Variants in RBFOX1 observed in about 807,000 individuals in gnomAD.
The protein encoded by RBFOX1 is RNA binding fox-1 homolog 1.
In RBFOX1, 8 loss-of-function variants were observed where a neutral mutation model predicts 57.7. The ratio of observed to expected loss-of-function variants is 0.14; its 90% CI spans 0.08 to 0.25. RBFOX1 has a LOEUF of 0.25. Ranked by LOEUF, RBFOX1 falls within the 10% of genes least tolerant of loss-of-function variation. The pLI, the probability that RBFOX1 is intolerant of heterozygous loss-of-function variation, is 1.00. For missense variants in RBFOX1, 611 were observed against 548.5 expected (o/e 1.11, Z -1.14); for synonymous variants, 326 against 222.4 (o/e 1.47, Z -4.15).
chr16:6,225,897 T>C (rs934272759), intron 1 of RBFOX1, among the ~76,000 whole-genome samples: 4 of 152,202 alleles, frequency 2.6e-5, no homozygotes, highest in Admixed American at 6.5e-5. Context: ...ACAGAAACAC[T>C]GAAGCCGTGC....
intron 3 of RBFOX1, among the ~76,000 whole-genome samples, chr16:7,001,273 G>T (rs748541519): frequency 3.3e-5 from 5 of 152,094 alleles, no homozygotes; most frequent in Admixed American, 3.3e-4. Flanking sequence ...GATGGATGGA[G>T]AGATTCCTTG....
rs35991387 is a variant in RBFOX1, at chr16:6,925,455, CATTT to C, written c.-15-126578_-15-126575del. 7.4e-3 allele frequency among the ~76,000 whole-genome samples: 1,088 copies of C among 147,464 alleles called. 34 individuals are homozygous for C. In the East Asian group the frequency reaches 0.087, roughly 12 times the overall value. On this transcript the variant is annotated intron_variant, in intron 3 of 15. Coordinates refer to ENST00000550418, the MANE Select transcript of RBFOX1 (RefSeq NM_018723.4). ...TTTTTAATGCGACTAATGGACTCCA[CATTT>C]ATTTATTTATTTATTTATTTATTGT...
chr16:6,019,471 A>C lies in RBFOX1; in HGVS notation c.-648A>C. ...GGGAAACCCGAACTCGCGGAGGGGA[A>C]TCCCTCCCCCTCCGCCCCAGCCCCC... On this transcript the variant is annotated 5_prime_UTR_variant, in exon 1 of 16. Transcript: ENST00000550418. The surrounding 1 kb of genome is among the most constrained non-coding windows in gnomAD (Gnocchi z 4.2). The C allele has an allele frequency of 2.0e-6, 2 of 996,644 alleles. No individual in the cohort carries two copies. Among genetic ancestry groups the C allele is most frequent in the Non-Finnish European group, 2.4e-6 (2 of 837,844 alleles). The allele number at this position is 996,644 out of a possible 1,614,324, so 61.7% of individuals were successfully genotyped here.
intron 4 of RBFOX1, among the ~76,000 whole-genome samples, chr16:7,308,185 G>A (rs1229169952): frequency 6.6e-6 from 1 of 152,038 alleles, no homozygotes; most frequent in South Asian, 2.1e-4. Flanking sequence ...AAGTAATAGA[G>A]GGCAAACCTT....
intron 3 of RBFOX1, among the ~76,000 whole-genome samples, chr16:6,689,220 C>T (rs1254282543): frequency 6.6e-6 from 1 of 152,036 alleles, no homozygotes; most frequent in African/African-American, 2.4e-5. Flanking sequence ...CTGATTATGT[C>T]TGGAGTTTTT....
chr16:5,429,275 A>C (rs898341417), intron 1 of RBFOX1, among the ~76,000 whole-genome samples: 7 of 152,076 alleles, frequency 4.6e-5, no homozygotes, highest in African/African-American at 1.7e-4. Context: ...GCTCTCTGGG[A>C]CTGCTGGCCC....
chr16:5,958,859 G>C (rs778214106), intron 4 of RBFOX1, among the ~76,000 whole-genome samples: 11 of 152,060 alleles, frequency 7.2e-5, no homozygotes, highest in Non-Finnish European at 1.6e-4. Context: ...GGTTCTCCTG[G>C]CTACCTCCTC....
chr16:5,960,506 C>A (rs532409073), intron 4 of RBFOX1, among the ~76,000 whole-genome samples: 1 of 152,238 alleles, frequency 6.6e-6, no homozygotes, highest in East Asian at 1.9e-4. Context: ...AACACATTCC[C>A]CAGATGTAGC....
At chr16:7,073,001 G>C (rs893517937) in intron 4 of RBFOX1, among the ~76,000 whole-genome samples, 2 of 152,192 alleles carry the variant, frequency 1.3e-5, no homozygotes, top group Admixed American at 6.5e-5. Context: ...TATGTGCAGG[G>C]TCAGGCTTTG....
intron 1 of RBFOX1, among the ~76,000 whole-genome samples, chr16:5,244,935 G>A (rs567386700): frequency 1.3e-5 from 2 of 152,204 alleles, no homozygotes; most frequent in African/African-American, 4.8e-5. Context: ...GTTGCCCTGG[G>A]CTTTAATTCT....
intron 4 of RBFOX1, among the ~76,000 whole-genome samples, chr16:7,217,572 G>A (rs1249189541): frequency 6.6e-6 from 1 of 151,996 alleles, no homozygotes; most frequent in Non-Finnish European, 1.5e-5. Context: ...CCTCAAAAAA[G>A]GCATGACAAA....
chr16:7,226,087 C>T (rs1033741738), intron 4 of RBFOX1, among the ~76,000 whole-genome samples: 6 of 151,812 alleles, frequency 4.0e-5, no homozygotes, highest in African/African-American at 1.5e-4. Context: ...AGATGCTCAC[C>T]CTCAACTCAG....
chr16:6,077,994 C>T lies in RBFOX1; in HGVS notation c.-127+58002C>T, dbSNP rs79577228. 6.2e-4 allele frequency among the ~76,000 whole-genome samples: 94 copies of T among 152,136 alleles called. 1 individual carries two copies. In the East Asian group the frequency reaches 0.016, roughly 26 times the overall value. On this transcript the variant is annotated intron_variant, in intron 1 of 15. Transcript: ENST00000550418. The stretch of plus-strand genomic sequence containing the variant: ...GTAAAATGGAGAGAACTTTAATTCC[C>T]GGGTAGATGTATCTGAATCTGAGAC...
intron 3 of RBFOX1, among the ~76,000 whole-genome samples, chr16:7,001,617 C>T (rs866022933): frequency 8.6e-5 from 13 of 151,960 alleles, no homozygotes; most frequent in African/African-American, 2.9e-4. Context: ...CCATCACACC[C>T]TGCTAATTTT....
chr16:6,413,103 T>C (rs2093514581), intron 2 of RBFOX1, among the ~76,000 whole-genome samples: 1 of 152,170 alleles, frequency 6.6e-6, no homozygotes, highest in African/African-American at 2.4e-5. Flanking sequence ...GTGGATCACC[T>C]GAGGTCGGGA....
At chr16:7,664,401 A>G (rs2068631637) in intron 12 of RBFOX1, among the ~76,000 whole-genome samples, 1 of 152,234 alleles carries the variant, frequency 6.6e-6, no homozygotes, top group Admixed American at 6.5e-5. Context: ...ACAATGTGAA[A>G]GAATATAGAA....
chr16:5,508,480 A>C (rs924522969), intron 2 of RBFOX1, among the ~76,000 whole-genome samples: 1 of 152,220 alleles, frequency 6.6e-6, no homozygotes, highest in Non-Finnish European at 1.5e-5. Context: ...TGTTCTATTC[A>C]TTAAAAACAA....
intron 3 of RBFOX1, among the ~76,000 whole-genome samples, chr16:6,656,935 CTCCTCCCCTT>C (rs1568078210): frequency 2.4e-3 from 301 of 123,104 alleles, no homozygotes; most frequent in Middle Eastern, 4.6e-3. Flanking sequence ...CTCCTCCCCT[CTCCTCCCCTT>C]TCCTCTCCTC....
At chr16:7,685,696 A>C (rs2075921979) in intron 14 of RBFOX1, among the ~76,000 whole-genome samples, 1 of 152,130 alleles carries the variant, frequency 6.6e-6, no homozygotes, top group African/African-American at 2.4e-5. Flanking sequence ...CAAGTACATT[A>C]AATTAAATGC....
Sources: gnomAD v4.1 joint callset for allele counts (sites outside exome capture counted in the v4.1 genomes callset) on GRCh38, gnomAD v4.1.1 for gene constraint, Gnocchi (gnomAD v3.1) non-coding constraint, MANE v1.5 for transcripts, NCBI Gene and HGNC (gene_info 2026-07-23, HGNC 2026-07-21) for gene names.